ATP10B: variants seen among roughly 807,000 people sequenced by gnomAD.
ATP10B encodes phospholipid-transporting ATPase VB.
Under a neutral mutation model 141.2 loss-of-function variants are expected in ATP10B, and 122 were observed. That is an observed-to-expected ratio of 0.86 (90% CI 0.75 to 1.00). The LOEUF (loss-of-function observed/expected upper bound fraction) is 1.00, where lower values mean the gene tolerates loss of function less well. Among genes scored for constraint, ATP10B ranks in the 50% least tolerant of loss-of-function variants. The pLI is 0.00. For missense variants in ATP10B, 1,876 were observed against 1,825.3 expected (o/e 1.03, Z -0.51); for synonymous variants, 685 against 692.0 (o/e 0.99, Z 0.16).
intron 14 of ATP10B, 77 bp downstream of exon 14, chr5:160,622,317 T>C (rs1561662480): frequency 1.4e-6 from 2 of 1,429,534 alleles, no homozygotes; most frequent in Middle Eastern, 4.8e-4. Context: ...TGATCAGAAC[T>C]TCTCCCCTCG....
intron 1 of ATP10B, among the ~76,000 whole-genome samples, chr5:160,798,509 AT>A (rs1772120597): frequency 6.6e-6 from 1 of 152,106 alleles, no homozygotes; most frequent in Non-Finnish European, 1.5e-5. Context: ...CAAGTCTACA[AT>A]CTAAGGAACA....
At chr5:160,746,910 C>A (rs1767844590) in intron 2 of ATP10B, among the ~76,000 whole-genome samples, 1 of 152,204 alleles carries the variant, frequency 6.6e-6, no homozygotes, top group Non-Finnish European at 1.5e-5. Context: ...GGATTTGAAC[C>A]AATGGCTTTA....
In ATP10B at chr5:160,565,221, AACTGTTT is replaced by A. The variant is rs1425873194; in HGVS notation, c.*225_*231del. ...TCAACAAAAACAGCCTCCTTCTCCA[AACTGTTT>A]GCAAGATGTGCTGCCTGAGAGCAGC... On this transcript the variant is annotated 3_prime_UTR_variant, in exon 26 of 26. Transcript: ENST00000327245. The A allele has an allele frequency of 1.8e-6, 1 of 557,178 alleles. No individual in the cohort carries two copies. The highest frequency in any genetic ancestry group is 3.2e-5 in the Admixed American group (1 of 31,730). The allele number at this position is 557,178 out of a possible 1,614,324, so 34.5% of individuals were successfully genotyped here.
Position 160,565,486 on chromosome 5 carries a change from G to T in ATP10B, c.4353C>A (p.Ser1451Arg), listed in dbSNP as rs748889915. Reference sequence around the variant, plus strand: ...TCAGTGAACTCTGGGATCGGCGATGGCTGCTCCTCTTTGAGCACCGGCACA... The same window carrying T: ...TCAGTGAACTCTGGGATCGGCGATGTCTGCTCCTCTTTGAGCACCGGCACA... The part of the protein sequence containing the change: ...TDMCRCSKRS[S>R]HRRSQSSLTI Residue 1451 changes from serine (S) to arginine (R), a missense_variant, in exon 26 of 26, where the codon AGC becomes AGA. Ser to Arg is a moderately radical substitution (Grantham distance 110). Coordinates refer to ENST00000327245, the MANE Select transcript of ATP10B (RefSeq NM_025153.3). 3 of 1,614,090 alleles carry T rather than the reference G, an allele frequency of 1.9e-6. No homozygotes were observed. Among genetic ancestry groups the T allele is most frequent in the Admixed American group, 1.7e-5 (1 of 60,026 alleles).
chr5:160,651,666 G>A (rs1760749208), intron 7 of ATP10B, among the ~76,000 whole-genome samples: 1 of 152,006 alleles, frequency 6.6e-6, no homozygotes. Flanking sequence ...TGTTCAAAGG[G>A]GTAAATTGAT....
intron 2 of ATP10B, among the ~76,000 whole-genome samples, chr5:160,757,711 G>T (rs1287962140): frequency 6.6e-6 from 1 of 152,138 alleles, no homozygotes; most frequent in Non-Finnish European, 1.5e-5. Context: ...ATATATGGTG[G>T]AGGTGTTAGA....
chr5:160,901,799 A>C, the ATP10B span, among the ~76,000 whole-genome samples: 1 of 152,246 alleles, frequency 6.6e-6, no homozygotes, highest in African/African-American at 2.4e-5. Context: ...CTTTTTATAC[A>C]GTAGGACACC....
chr5:160,884,700 AAAT>A, the ATP10B span, among the ~76,000 whole-genome samples: 1 of 152,156 alleles, frequency 6.6e-6, no homozygotes, highest in African/African-American at 2.4e-5. Context: ...TTTATGGAAA[AAAT>A]ATTTTTAAAA....
Position 160,569,598 on chromosome 5 carries a change from C to T in ATP10B, c.3836G>A (p.Cys1279Tyr). 1 of 1,613,570 alleles carries T rather than the reference C, an allele frequency of 6.2e-7. No homozygotes were observed. The highest frequency in any genetic ancestry group is 1.1e-5 in the South Asian group (1 of 91,014). The change falls in exon 25 of 26, where the codon TGC becomes TAC. Residue 1279 changes from cysteine (C) to tyrosine (Y), a missense_variant. Cys to Tyr is a radical substitution (Grantham distance 194). Transcript: ENST00000327245. The part of the protein sequence containing the change: ...SLLYNATCVI[C>Y]NSPTNPYWVM... ...CCAATAGGGATTGGTGGGGCTGTTGCAGATGACGCAGGTGGCATTGTACAG... is the reference window on the plus strand; with the variant it reads ...CCAATAGGGATTGGTGGGGCTGTTGTAGATGACGCAGGTGGCATTGTACAG...
At chr5:160,701,863 C>T (rs949678858) in intron 3 of ATP10B, among the ~76,000 whole-genome samples, 3 of 151,608 alleles carry the variant, frequency 2.0e-5, no homozygotes, top group East Asian at 1.9e-4. Context: ...GGAGCAGTTA[C>T]CCCTCTGCCC....
intron 13 of ATP10B, among the ~76,000 whole-genome samples, chr5:160,631,123 C>G (rs1758903104): frequency 6.6e-6 from 1 of 152,128 alleles, no homozygotes; most frequent in Non-Finnish European, 1.5e-5. Context: ...TTTTTATAAT[C>G]TAATTTTCTA....
intron 2 of ATP10B, among the ~76,000 whole-genome samples, chr5:160,736,208 A>T (rs1224875724): frequency 2.0e-5 from 3 of 152,202 alleles, no homozygotes; most frequent in Non-Finnish European, 4.4e-5. Context: ...AAGTTAAACA[A>T]AATGGAAAAA....
intron 1 of ATP10B, among the ~76,000 whole-genome samples, chr5:160,797,695 G>C (rs773300130): frequency 2.0e-5 from 3 of 152,136 alleles, no homozygotes; most frequent in Non-Finnish European, 4.4e-5. Context: ...TGGAACTGCT[G>C]GTGTTCAAAC....
At chr5:160,791,238 A>G (rs1771542711) in intron 1 of ATP10B, among the ~76,000 whole-genome samples, 1 of 152,316 alleles carries the variant, frequency 6.6e-6, no homozygotes, top group Middle Eastern at 3.4e-3. Flanking sequence ...TCTGACTTAC[A>G]GAACTGTAAG....
At chr5:160,837,544 C>T (rs1348960980) in intron 1 of ATP10B, among the ~76,000 whole-genome samples, 2 of 152,060 alleles carry the variant, frequency 1.3e-5, no homozygotes, top group East Asian at 1.9e-4. Context: ...GATCTCTCTA[C>T]CAAAATATGA....
intron 1 of ATP10B, among the ~76,000 whole-genome samples, chr5:160,805,208 T>C (rs1403835781): frequency 6.6e-6 from 1 of 152,242 alleles, no homozygotes; most frequent in Non-Finnish European, 1.5e-5. Flanking sequence ...TTATGTATCA[T>C]TTTTAGGATT....
chr5:160,587,747 T>C lies in ATP10B; in HGVS notation c.3750+1845A>G, dbSNP rs1756003187. On this transcript the variant is annotated intron_variant, in intron 24 of 25. Coordinates refer to ENST00000327245, the MANE Select transcript of ATP10B (RefSeq NM_025153.3). ...GCTCTGTTTGTCTATTGTTGGTGTA[T>C]AGGAATGCTTATGATTTTTGTACAT... Among the ~76,000 whole-genome samples the C allele has an allele frequency of 2.0e-5, 3 of 152,364 alleles. No homozygotes were observed. The South Asian group carries it at 6.2e-4, about 32-fold the overall frequency.
chr5:160,912,117 G>A, the ATP10B span, among the ~76,000 whole-genome samples: 3 of 152,088 alleles, frequency 2.0e-5, no homozygotes, highest in African/African-American at 4.8e-5. Flanking sequence ...TGGGTGGAAA[G>A]GGGACAGGCA....
rs145816820 is a variant in ATP10B, at chr5:160,699,873, T to C, written c.-204-10930A>G. 2.6e-3 allele frequency among the ~76,000 whole-genome samples: 399 copies of C among 152,226 alleles called. 2 individuals are homozygous for C. Among genetic ancestry groups the C allele is most frequent in the African/African-American group, 9.3e-3 (385 of 41,544 alleles). On this transcript the variant is annotated intron_variant, in intron 3 of 25. Transcript: ENST00000327245. ...GCAGAGAGATTTTTTAAAAAGTCAA[T>C]ATTCACTTAGAAATATGTAAAATAT...
Sources: allele counts gnomAD v4.1 joint callset (sites outside exome capture counted in the v4.1 genomes callset), GRCh38; gene constraint gnomAD v4.1.1; transcripts MANE v1.5; gene names NCBI Gene and HGNC (gene_info 2026-07-23, HGNC 2026-07-21).